Variants in ADNP observed in about 807,000 individuals in gnomAD.
ADNP encodes activity-dependent neuroprotector homeobox protein.
Under a neutral mutation model 84.9 loss-of-function variants are expected in ADNP, and 4 were observed. The observed-to-expected ratio is 0.05, with a 90% CI of 0.02 to 0.11. The LOEUF (loss-of-function observed/expected upper bound fraction) is 0.11, where lower values mean the gene tolerates loss of function less well. Among genes scored for constraint, ADNP ranks in the 10% least tolerant of loss-of-function variants. The pLI, the probability that ADNP is intolerant of heterozygous loss-of-function variation, is 1.00. For synonymous variants in ADNP, 554 were observed against 468.1 expected, an observed-to-expected ratio of 1.18 and a Z score of -2.37; for missense variants, 1,132 against 1,326.0, an observed-to-expected ratio of 0.85 and a Z score of 2.27.
At chr20:50,894,740 C>CA (rs1402449371) in intron 5 of ADNP, among the ~76,000 whole-genome samples, 2 of 151,862 alleles carry the variant, frequency 1.3e-5, no homozygotes, top group Admixed American at 1.3e-4. Context: ...ACTAAAAATA[C>CA]AAAAAAATAA....
chr20:50,925,290 A>ACACACACT (rs1984216241), intron 2 of ADNP, among the ~76,000 whole-genome samples: 1 of 150,730 alleles, frequency 6.6e-6, no homozygotes, highest in Non-Finnish European at 1.5e-5. Flanking sequence ...ACACACACAC[A>ACACACACT]CTACATAATC....
Position 50,893,053 on chromosome 20 carries a change from A to G in ADNP, c.1661T>C (p.Leu554Ser), listed in dbSNP as rs746893388. 2.5e-6 allele frequency: 4 copies of G among 1,614,238 alleles called. No individual in the cohort carries two copies. The highest frequency in any genetic ancestry group is 3.4e-6 in the Non-Finnish European group (4 of 1,180,050). Residue 554 changes from leucine (L) to serine (S), a missense_variant, in exon 6 of 6, where the codon TTG (leucine) becomes TCG (serine). Leu to Ser is a moderately radical substitution (Grantham distance 145). Around this residue, in one of 10 missense-constraint regions of ADNP, gnomAD observed 87 missense variants for 181.4 expected, o/e 0.48. Transcript: ENST00000621696. The surrounding 1 kb of genome is among the most constrained non-coding windows in gnomAD (Gnocchi z 4.4). The stretch of plus-strand genomic sequence containing the variant: ...GATGTTAGTGTGACTACCCTGCTGC[A>G]ATGTCAAATCAAAACTCAAAGTAGA... The part of the protein sequence containing the change: ...TDSTLSFDLT[L>S]QQGSHTNIHL...
At chr20:50,910,102 G>T (rs897516728) in intron 2 of ADNP, among the ~76,000 whole-genome samples, 1 of 152,182 alleles carries the variant, frequency 6.6e-6, no homozygotes, top group African/African-American at 2.4e-5. Context: ...AAATAAGAGG[G>T]AAGATAGGGT....
intron 2 of ADNP, among the ~76,000 whole-genome samples, chr20:50,918,083 T>C (rs183568165): frequency 6.6e-6 from 1 of 152,304 alleles, no homozygotes; most frequent in African/African-American, 2.4e-5. Context: ...TTAACAGGTA[T>C]AGAGTTTCAG....
chr20:50,903,637 T>C (rs1207932350), intron 4 of ADNP, among the ~76,000 whole-genome samples: 1 of 152,184 alleles, frequency 6.6e-6, no homozygotes, highest in Non-Finnish European at 1.5e-5. Flanking sequence ...TATAGACAAC[T>C]TTACGGCACC....
At chr20:50,903,476 G>GT (rs1039487122) in intron 4 of ADNP, among the ~76,000 whole-genome samples, 9 of 152,176 alleles carry the variant, frequency 5.9e-5, no homozygotes, top group African/African-American at 1.9e-4. Context: ...ACATTCAGGC[G>GT]TATCAGAATG....
rs752213411 is a variant in ADNP at position 50,893,961 on chromosome 20, G to T, written c.753C>A (p.Val251=). The change falls in exon 6 of 6, where the codon GTC becomes GTA. Residue 251 remains valine (V), a synonymous_variant. Coordinates refer to ENST00000621696, the MANE Select transcript of ADNP (RefSeq NM_001282531.3). This position sits in a 1 kb window ranked among gnomAD's most constrained non-coding sequence, Gnocchi z 4.4. ...IEDHERIGYQ[V]TAMIGHTNVV... ...CATTTGTGTGCCCAATCATGGCAGT[G>T]ACCTGATAGCCTATACGTTCATGGT... 6.2e-7 allele frequency: 1 copy of T among 1,614,152 alleles called. No individual in the cohort carries two copies.
At chr20:50,904,249 A>C (rs376325869) in intron 3 of ADNP, 1 of 449,360 alleles carries the variant, frequency 2.2e-6, no homozygotes, top group East Asian at 4.1e-5. Context: ...GCTGGAGTGC[A>C]GTGCACTCAT....
chr20:50,904,167 A>T, intron 3 of ADNP, 166 bp from the exon 4 acceptor site: 1 of 596,348 alleles, frequency 1.7e-6, no homozygotes, highest in East Asian at 2.8e-5. Flanking sequence ...TTTCATGTGC[A>T]TATGGCTTGA....
intron 2 of ADNP, among the ~76,000 whole-genome samples, chr20:50,917,431 A>C (rs1247814429): frequency 6.6e-6 from 1 of 152,220 alleles, no homozygotes. Context: ...ACATTTGAAG[A>C]ATCTCTTTCT....
At position 50,902,014 on chromosome 20, in the gene ADNP, T is replaced by C. The variant is rs926677596; in HGVS notation, c.201+3A>G. 1.9e-6 allele frequency: 3 copies of C among 1,608,380 alleles called. No homozygotes were observed. The highest frequency in any genetic ancestry group is 1.7e-6 in the Non-Finnish European group (2 of 1,174,856). On this transcript the variant is annotated splice_donor_region_variant and intron_variant, in intron 5 of 5. Coordinates refer to ENST00000621696, the MANE Select transcript of ADNP (RefSeq NM_001282531.3). ...ATCTGAGGAAGTCTCCTGTGCCACTTACCTGGTTTTTCGTAAGTGATGGGT... is the reference window on the plus strand; with the variant it reads ...ATCTGAGGAAGTCTCCTGTGCCACTCACCTGGTTTTTCGTAAGTGATGGGT...
intron 2 of ADNP, among the ~76,000 whole-genome samples, chr20:50,914,564 G>T (rs918392646): frequency 1.3e-5 from 2 of 152,124 alleles, no homozygotes; most frequent in African/African-American, 4.8e-5. Flanking sequence ...CTAAACTTAC[G>T]GCTTGCTTTC....
chr20:50,911,684 G>C (rs1983055318), intron 2 of ADNP, among the ~76,000 whole-genome samples: 1 of 151,722 alleles, frequency 6.6e-6, no homozygotes, highest in Admixed American at 6.6e-5. Flanking sequence ...CCACATCAAG[G>C]ATGGCACCAT....
intron 1 of ADNP, among the ~76,000 whole-genome samples, chr20:50,930,420 T>G (rs1353005967): frequency 2.1e-5 from 3 of 141,512 alleles, no homozygotes; most frequent in South Asian, 2.6e-4. Flanking sequence ...GTTCAAGGCA[T>G]GGGGGTGTGC....
chr20:50,894,636 T>G (rs1981196488), intron 5 of ADNP, 124 bp from the exon 6 acceptor site: 1 of 1,059,480 alleles, frequency 9.4e-7, no homozygotes, highest in African/African-American at 1.6e-5. Context: ...GGCTCACGCC[T>G]GTAATCCCAG....
At chr20:50,903,530 G>GC (rs1431070772) in intron 4 of ADNP, among the ~76,000 whole-genome samples, 1 of 152,222 alleles carries the variant, frequency 6.6e-6, no homozygotes, top group Non-Finnish European at 1.5e-5. Flanking sequence ...TTTCTCAGCT[G>GC]CAAGGCTGGG....
Position 50,891,162 on chromosome 20 carries a change from T to A in ADNP, c.*243A>T. On this transcript the variant is annotated 3_prime_UTR_variant, in exon 6 of 6. Transcript: ENST00000621696. Reference sequence around the variant, plus strand: ...AACCTCTGCTTTTCCTCGTGTGTATTCATGAGTCACCAGCTTATTGGTTTT... The same window carrying A: ...AACCTCTGCTTTTCCTCGTGTGTATACATGAGTCACCAGCTTATTGGTTTT... 1 of 1,289,022 alleles carries A rather than the reference T, an allele frequency of 7.8e-7. No individual in the cohort carries two copies. Among genetic ancestry groups the A allele is most frequent in the African/African-American group, 1.5e-5 (1 of 65,604 alleles). 79.8% of individuals were successfully genotyped at this position (1,289,022 alleles called of 1,614,324 possible). A position where few individuals can be genotyped will look rare whatever the true frequency, so the allele number is the denominator to read the frequency against.
chr20:50,926,454 A>G lies in ADNP; in HGVS notation c.-90+2197T>C, dbSNP rs1356654278. On this transcript the variant is annotated intron_variant, in intron 2 of 5. Coordinates refer to ENST00000621696, the MANE Select transcript of ADNP (RefSeq NM_001282531.3). Reference sequence around the variant, plus strand: ...TAAAAACTTCCTATTTTTTTCTTTCATATTACTTTAAAAATCTTTATTTCA... The same window carrying G: ...TAAAAACTTCCTATTTTTTTCTTTCGTATTACTTTAAAAATCTTTATTTCA... Among the ~76,000 whole-genome samples, 3 of 152,150 alleles carry G rather than the reference A, an allele frequency of 2.0e-5. No individual in the cohort carries two copies. The East Asian group carries it at 5.8e-4, about 29-fold the overall frequency.
Position 50,892,586 on chromosome 20 carries a change from G to C in ADNP, c.2128C>G (p.Pro710Ala). ...TNAPSRLNQS[P>A]SLAPVKRTYE... ...GTGCGCTTCACAGGTGCCAGACTTGGAGACTGATTAAGCCGAGAGGGTGCA... is the reference window on the plus strand; with the variant it reads ...GTGCGCTTCACAGGTGCCAGACTTGCAGACTGATTAAGCCGAGAGGGTGCA... Residue 710 changes from proline (P) to alanine (A), a missense_variant, in exon 6 of 6, where the codon CCA (proline) becomes GCA (alanine). Around this residue, in one of 10 missense-constraint regions of ADNP, gnomAD observed 101 missense variants for 78.5 expected, o/e 1.29. Coordinates refer to ENST00000621696, the MANE Select transcript of ADNP (RefSeq NM_001282531.3). 1 of 1,614,230 alleles carries C rather than the reference G, an allele frequency of 6.2e-7. No homozygotes were observed. The highest frequency in any genetic ancestry group is 8.5e-7 in the Non-Finnish European group (1 of 1,180,048).
Sources: gnomAD v4.1 joint callset for allele counts (sites outside exome capture counted in the v4.1 genomes callset) on GRCh38, gnomAD v4.1.1 for gene constraint, gnomAD v4.1.1 regional missense constraint, Gnocchi (gnomAD v3.1) non-coding constraint, MANE v1.5 for transcripts, NCBI Gene and HGNC (gene_info 2026-07-23, HGNC 2026-07-21) for gene names.